The following DNM3 variants were observed in gnomAD, a reference collection of about 807,000 sequenced individuals.
DNM3 encodes dynamin-3.
DNM3 carries 47 observed loss-of-function variants against 101.6 expected under a neutral mutation model. The observed-to-expected ratio is 0.46, with a 90% CI of 0.37 to 0.59. DNM3 has a LOEUF of 0.59. DNM3 is among the 20% of genes least tolerant of loss of function. The pLI is 0.00. For missense variants in DNM3, 849 were observed against 1,085.7 expected (o/e 0.78, Z 3.06); for synonymous variants, 385 against 387.9 (o/e 0.99, Z 0.09).
intron 14 of DNM3, among the ~76,000 whole-genome samples, chr1:172,204,376 G>A (rs1477352970): frequency 6.6e-6 from 1 of 152,092 alleles, no homozygotes; most frequent in Non-Finnish European, 1.5e-5. Flanking sequence ...AAATAGCAGT[G>A]TGGAGACCTA....
At chr1:171,991,761 A>G (rs1193173310) in intron 4 of DNM3, among the ~76,000 whole-genome samples, 2 of 152,228 alleles carry the variant, frequency 1.3e-5, no homozygotes, top group Non-Finnish European at 2.9e-5. Context: ...GCTGCCAGCC[A>G]CTTACCAACC....
At chr1:171,860,862 G>A (rs976532809) in intron 1 of DNM3, among the ~76,000 whole-genome samples, 4 of 152,102 alleles carry the variant, frequency 2.6e-5, no homozygotes, top group African/African-American at 9.7e-5. Context: ...CTGGATTGCA[G>A]TGTTGCCATT....
intron 14 of DNM3, among the ~76,000 whole-genome samples, chr1:172,160,863 G>T (rs2058521419): frequency 6.6e-6 from 1 of 152,000 alleles, no homozygotes; most frequent in Non-Finnish European, 1.5e-5. Context: ...GTATAAACAT[G>T]TGAGTAATGT....
intron 18 of DNM3, 136 bp downstream of exon 18, chr1:172,379,318 A>C: frequency 1.2e-6 from 1 of 833,706 alleles, no homozygotes; most frequent in Non-Finnish European, 1.8e-6. Flanking sequence ...TTTCCATTAG[A>C]CGTGATATGT....
chr1:171,939,117 G>A (rs1022448687), intron 2 of DNM3, among the ~76,000 whole-genome samples: 1 of 151,636 alleles, frequency 6.6e-6, no homozygotes, highest in Non-Finnish European at 1.5e-5. Context: ...TTTATTAATA[G>A]ACAAAATTTC....
At chr1:171,926,323 A>G (rs1041261807) in intron 2 of DNM3, among the ~76,000 whole-genome samples, 11 of 152,196 alleles carry the variant, frequency 7.2e-5, no homozygotes, top group Non-Finnish European at 1.0e-4. Context: ...CATTTTAACC[A>G]TATTGATTCT....
intron 18 of DNM3, among the ~76,000 whole-genome samples, chr1:172,380,431 C>A (rs1287035185): frequency 6.6e-6 from 1 of 152,068 alleles, no homozygotes. Context: ...CTCATGTGAA[C>A]AATCTTATTT....
At chr1:172,245,447 T>A (rs2061914646) in intron 14 of DNM3, among the ~76,000 whole-genome samples, 1 of 152,168 alleles carries the variant, frequency 6.6e-6, no homozygotes, top group African/African-American at 2.4e-5. Context: ...CAGATGGGAA[T>A]GTGAGGAATC....
chr1:172,352,481 C>G (rs889102418), intron 17 of DNM3, among the ~76,000 whole-genome samples: 1 of 152,142 alleles, frequency 6.6e-6, no homozygotes, highest in African/African-American at 2.4e-5. Flanking sequence ...CCCTAAATCA[C>G]TACAGCATAA....
At chr1:172,020,301 C>T (rs2047744544) in intron 4 of DNM3, among the ~76,000 whole-genome samples, 1 of 152,120 alleles carries the variant, frequency 6.6e-6, no homozygotes, top group African/African-American at 2.4e-5. Flanking sequence ...TTTTCTTCCC[C>T]TATATAGAAG....
At chr1:172,163,922 T>C (rs1007377316) in intron 14 of DNM3, among the ~76,000 whole-genome samples, 11 of 151,312 alleles carry the variant, frequency 7.3e-5, no homozygotes, top group Admixed American at 1.3e-4. Flanking sequence ...TATGTATATA[T>C]GCATGTGCAT....
intron 17 of DNM3, among the ~76,000 whole-genome samples, chr1:172,365,608 T>C (rs1310676686): frequency 6.6e-6 from 1 of 151,932 alleles, no homozygotes; most frequent in African/African-American, 2.4e-5. Flanking sequence ...AAGATTATAA[T>C]AAAATGAGGC....
chr1:172,244,140 T>A (rs1221755593), intron 14 of DNM3, among the ~76,000 whole-genome samples: 1 of 151,974 alleles, frequency 6.6e-6, no homozygotes, highest in Non-Finnish European at 1.5e-5. Context: ...CTTGTGATAG[T>A]TTACTGAGAA....
intron 14 of DNM3, among the ~76,000 whole-genome samples, chr1:172,205,362 C>T (rs751104217): frequency 3.9e-5 from 6 of 152,064 alleles, no homozygotes; most frequent in African/African-American, 1.4e-4. Context: ...AGTTCTTACA[C>T]TTTTTAGTCT....
intron 1 of DNM3, among the ~76,000 whole-genome samples, chr1:171,872,765 G>T (rs1203322324): frequency 6.6e-6 from 1 of 151,860 alleles, no homozygotes; most frequent in Non-Finnish European, 1.5e-5. Flanking sequence ...CACTCAGAAG[G>T]TCCTTCTTTC....
intron 17 of DNM3, among the ~76,000 whole-genome samples, chr1:172,342,003 G>A (rs555716257): frequency 6.6e-6 from 1 of 152,112 alleles, no homozygotes; most frequent in South Asian, 2.1e-4. Flanking sequence ...ATGAAAAAAT[G>A]TTCAACATCA....
At chr1:171,877,808 A>G (rs78067849) in intron 1 of DNM3, among the ~76,000 whole-genome samples, 170 of 152,316 alleles carry the variant, frequency 1.1e-3, no homozygotes, top group African/African-American at 3.8e-3. Flanking sequence ...TTTGGCTATT[A>G]CACTGAAGAA....
chr1:172,154,060 C>T lies in DNM3; in HGVS notation c.1659+22772C>T, dbSNP rs551803137. On this transcript the variant is annotated intron_variant, in intron 14 of 20. Coordinates refer to ENST00000627582, the MANE Select transcript of DNM3 (RefSeq NM_015569.5). Reference sequence around the variant, plus strand: ...GACCTGCTGATTCTTCTTAAACTGTCGTTTCACTTATTCTGACATTTATAT... The same window carrying T: ...GACCTGCTGATTCTTCTTAAACTGTTGTTTCACTTATTCTGACATTTATAT... 6.6e-5 allele frequency among the ~76,000 whole-genome samples: 10 copies of T among 152,186 alleles called. 1 individual carries two copies. The highest frequency in any genetic ancestry group is 2.1e-4 in the South Asian group (1 of 4,826).
chr1:172,056,598 G>A (rs1422988929), intron 10 of DNM3, among the ~76,000 whole-genome samples: 1 of 151,976 alleles, frequency 6.6e-6, no homozygotes, highest in South Asian at 2.1e-4. Flanking sequence ...CACCTCACAC[G>A]GCAGGGTACT....
Sources: allele counts gnomAD v4.1 joint callset (sites outside exome capture counted in the v4.1 genomes callset), GRCh38; gene constraint gnomAD v4.1.1; transcripts MANE v1.5; gene names NCBI Gene and HGNC (gene_info 2026-07-23, HGNC 2026-07-21).